Variants in NAA11 observed in about 807,000 individuals in gnomAD.
NAA11 encodes N-alpha-acetyltransferase 11, NatA catalytic subunit.
In NAA11, 15 loss-of-function variants were observed where a neutral mutation model predicts 16.1. That is an observed-to-expected ratio of 0.93 (90% CI 0.62 to 1.44). The LOEUF is 1.44. Ranked by LOEUF, NAA11 falls within the 40% of genes most tolerant of loss-of-function variation. The probability of loss-of-function intolerance (pLI) is 0.00; values close to 1 mark genes in which losing one functional copy is unlikely to be tolerated. For synonymous variants in NAA11, 122 were observed against 112.4 expected (o/e 1.09, Z -0.54); for missense variants, 298 against 291.3 (o/e 1.02, Z -0.17).
intron 2 of NAA11, among the ~76,000 whole-genome samples, chr4:79,293,666 A>G (rs1354371166): frequency 6.6e-6 from 1 of 152,238 alleles, no homozygotes; most frequent in East Asian, 1.9e-4. Context: ...CAGAAAATAT[A>G]TAAAATGAAT....
At chr4:79,185,497 G>A in the NAA11 span, among the ~76,000 whole-genome samples, 2 of 152,130 alleles carry the variant, frequency 1.3e-5, no homozygotes, top group South Asian at 2.1e-4. Flanking sequence ...ATTTGGGAGT[G>A]GAGTTTGGAA....
At chr4:79,259,889 T>C (rs1722210109) in intron 2 of NAA11, among the ~76,000 whole-genome samples, 1 of 152,174 alleles carries the variant, frequency 6.6e-6, no homozygotes, top group Admixed American at 6.5e-5. Context: ...ATTTCAGGTG[T>C]CTCTGTGCTG....
the NAA11 span, among the ~76,000 whole-genome samples, chr4:79,194,131 A>G: frequency 2.6e-5 from 4 of 152,070 alleles, no homozygotes; most frequent in South Asian, 2.1e-4. Context: ...GGCTGAGACG[A>G]TGGGGTTTTC....
chr4:79,325,035 T>C, intron 1 of NAA11, 141 bp downstream of exon 1: 2 of 682,384 alleles, frequency 2.9e-6, no homozygotes, highest in Non-Finnish European at 4.9e-6. Context: ...TCACTCTAAC[T>C]TCTCCCTAAG....
chr4:79,212,834 C>G, the NAA11 span, among the ~76,000 whole-genome samples: 1 of 151,888 alleles, frequency 6.6e-6, no homozygotes, highest in Non-Finnish European at 1.5e-5. Flanking sequence ...GTTCAGTACT[C>G]TTCACAGTTT....
chr4:79,288,736 A>G (rs1723008292), intron 2 of NAA11, among the ~76,000 whole-genome samples: 1 of 152,212 alleles, frequency 6.6e-6, no homozygotes, highest in Admixed American at 6.5e-5. Context: ...TTATTTAAAA[A>G]TTACTAAACA....
intron 2 of NAA11, among the ~76,000 whole-genome samples, chr4:79,236,532 C>T (rs1412711571): frequency 6.6e-6 from 1 of 151,796 alleles, no homozygotes. Context: ...TTTTTAAATT[C>T]AGAAGAAATT....
intron 2 of NAA11, among the ~76,000 whole-genome samples, chr4:79,283,990 ATGAATGAAGTGAT>A (rs1466140168): frequency 6.6e-6 from 1 of 151,902 alleles, no homozygotes; most frequent in African/African-American, 2.4e-5. Flanking sequence ...GAATGAATGA[ATGAATGAAGTGAT>A]TGAGGAACTT....
At chr4:79,316,336 T>G (rs13130451), downstream of NAA11, among the ~76,000 whole-genome samples, 63,763 of 152,108 alleles carry the variant, frequency 0.42, 14,661 homozygotes, top group East Asian at 0.78. Context: ...AAAGATAGAT[T>G]TTATCATACT....
intron 1 of NAA11, among the ~76,000 whole-genome samples, chr4:79,319,064 C>T (rs534303585): frequency 1.4e-4 from 22 of 152,236 alleles, no homozygotes; most frequent in Middle Eastern, 6.8e-3. Context: ...ACTACAAGCA[C>T]GCACCAGTAT....
At chr4:79,256,008 T>C (rs923365151) in intron 2 of NAA11, among the ~76,000 whole-genome samples, 2 of 152,184 alleles carry the variant, frequency 1.3e-5, no homozygotes, top group African/African-American at 2.4e-5. Flanking sequence ...TTGGGTCTGA[T>C]TGAAAGCTGC....
At chr4:79,177,561 T>C in the NAA11 span, among the ~76,000 whole-genome samples, 1 of 152,186 alleles carries the variant, frequency 6.6e-6, no homozygotes, top group South Asian at 2.1e-4. Flanking sequence ...ATTTGAGTCA[T>C]ACTATTAATA....
chr4:79,196,839 A>G, the NAA11 span, among the ~76,000 whole-genome samples: 1 of 151,656 alleles, frequency 6.6e-6, no homozygotes, highest in Non-Finnish European at 1.5e-5. Flanking sequence ...TGAAGGGAGA[A>G]ACAGAAGAGT....
At chr4:79,301,619 A>G (rs1723384983) in intron 1 of NAA11, among the ~76,000 whole-genome samples, 1 of 152,210 alleles carries the variant, frequency 6.6e-6, no homozygotes, top group Admixed American at 6.5e-5. Context: ...AAGAAAATAC[A>G]ATAAGTTAAA....
At chr4:79,200,349 G>T in the NAA11 span, among the ~76,000 whole-genome samples, 1 of 151,820 alleles carries the variant, frequency 6.6e-6, no homozygotes, top group Non-Finnish European at 1.5e-5. Flanking sequence ...AACAAGACGG[G>T]GTTGATTTCT....
chr4:79,164,642 C>T, the NAA11 span, among the ~76,000 whole-genome samples: 1 of 152,212 alleles, frequency 6.6e-6, no homozygotes, highest in East Asian at 1.9e-4. Context: ...CACCAGTGGC[C>T]CCAACACAGA....
intron 2 of NAA11, among the ~76,000 whole-genome samples, chr4:79,250,303 G>A (rs1341247735): frequency 1.3e-5 from 2 of 152,232 alleles, no homozygotes. Flanking sequence ...AAGCCAGGGA[G>A]CCGAGAGGCC....
chr4:79,176,162 A>G, the NAA11 span, among the ~76,000 whole-genome samples: 2 of 152,210 alleles, frequency 1.3e-5, no homozygotes, highest in Middle Eastern at 3.2e-3. Context: ...AAATAAGAAC[A>G]TGTGGCTCTC....
chr4:79,156,871 A>G, the NAA11 span, among the ~76,000 whole-genome samples: 1 of 152,156 alleles, frequency 6.6e-6, no homozygotes, highest in African/African-American at 2.4e-5. Context: ...ATTTTTCACA[A>G]CTGTGGTAAT....
Sources: gnomAD v4.1 joint callset for allele counts (sites outside exome capture counted in the v4.1 genomes callset) on GRCh38, gnomAD v4.1.1 for gene constraint, MANE v1.5 for transcripts, NCBI Gene and HGNC (gene_info 2026-07-23, HGNC 2026-07-21) for gene names.